Variants in SLCO4C1 observed in about 807,000 individuals in gnomAD.
SLCO4C1 encodes the protein solute carrier organic anion transporter family member 4C1.
SLCO4C1 carries 58 observed loss-of-function variants against 72.1 expected under a neutral mutation model. The observed-to-expected ratio is 0.80, with a 90% CI of 0.65 to 1.00. The LOEUF is 1.00. SLCO4C1 is among the 50% of genes least tolerant of loss of function. The pLI, the probability that SLCO4C1 is intolerant of heterozygous loss-of-function variation, is 0.00. For missense variants in SLCO4C1, 898 were observed against 857.9 expected (o/e 1.05, Z -0.58); for synonymous variants, 297 against 312.5 (o/e 0.95, Z 0.52).
chr5:102,239,438 AT>A, intron 11 of SLCO4C1, 50 bp from the exon 12 acceptor site: 1 of 1,341,866 alleles, frequency 7.5e-7, no homozygotes. Flanking sequence ...ACAGTTTAGA[AT>A]TACAGATCTT....
Position 102,247,399 on chromosome 5 carries a change from G to T in SLCO4C1, c.1664C>A (p.Thr555Lys), listed in dbSNP as rs1748654914. The T allele has an allele frequency of 6.3e-7, 1 of 1,588,480 alleles. No individual in the cohort carries two copies. The highest frequency in any genetic ancestry group is 8.6e-7 in the Non-Finnish European group (1 of 1,161,400). ...CSCIERKTEI[T>K]STAETFGFEA... ...AAAACCAAAAGTTTCTGCAGTGGAT[G>T]TTATTTCTGTTTTCCTTTCAATACA... The change falls in exon 10 of 13, where the codon ACA becomes AAA. Residue 555 changes from threonine to lysine, a missense_variant. Coordinates refer to ENST00000310954, the MANE Select transcript of SLCO4C1 (RefSeq NM_180991.5).
rs945691545 is a variant in SLCO4C1, at chr5:102,276,738, A to T, written c.620-5932T>A. ...ACTCAATTTTCCCTTGGTAACTAGGATCCATTAGCTCTGTCAATTTAGTGA... is the reference window on the plus strand; with the variant it reads ...ACTCAATTTTCCCTTGGTAACTAGGTTCCATTAGCTCTGTCAATTTAGTGA... On this transcript the variant is annotated intron_variant, in intron 2 of 12. Coordinates refer to ENST00000310954, the MANE Select transcript of SLCO4C1 (RefSeq NM_180991.5). Among the ~76,000 whole-genome samples, 3 of 152,170 alleles carry T rather than the reference A, an allele frequency of 2.0e-5. 1 individual carries two copies. Among genetic ancestry groups the T allele is most frequent in the African/African-American group, 7.2e-5 (3 of 41,448 alleles).
At chr5:102,289,813 A>C (rs1406094755) in intron 2 of SLCO4C1, among the ~76,000 whole-genome samples, 1 of 152,174 alleles carries the variant, frequency 6.6e-6, no homozygotes, top group Non-Finnish European at 1.5e-5. Context: ...CATTTTAAAA[A>C]TACTCTCCAT....
At chr5:102,257,445 T>C in intron 7 of SLCO4C1, 135 bp from the exon 8 acceptor site, 2 of 612,952 alleles carry the variant, frequency 3.3e-6, no homozygotes, top group Non-Finnish European at 5.2e-6. Flanking sequence ...GAAATACATG[T>C]ACAAATGACT....
intron 2 of SLCO4C1, among the ~76,000 whole-genome samples, chr5:102,271,921 T>C (rs1379399627): frequency 6.6e-6 from 1 of 152,044 alleles, no homozygotes; most frequent in Non-Finnish European, 1.5e-5. Context: ...AGAAGAAAAG[T>C]AGGTCAGAGG....
At chr5:102,273,519 T>C (rs1749190919) in intron 2 of SLCO4C1, among the ~76,000 whole-genome samples, 1 of 152,132 alleles carries the variant, frequency 6.6e-6, no homozygotes, top group Admixed American at 6.5e-5. Flanking sequence ...TAAAGCAACA[T>C]TAATCCCATA....
intron 2 of SLCO4C1, among the ~76,000 whole-genome samples, chr5:102,290,754 G>A (rs1006351272): frequency 2.6e-5 from 4 of 151,940 alleles, no homozygotes; most frequent in African/African-American, 4.8e-5. Flanking sequence ...TACTATATTT[G>A]TTTTTTTATT....
intron 12 of SLCO4C1, among the ~76,000 whole-genome samples, chr5:102,238,194 GA>G (rs1334853652): frequency 1.3e-5 from 2 of 151,992 alleles, no homozygotes; most frequent in African/African-American, 4.8e-5. Context: ...TTTGTGGGGG[GA>G]TTCCCATTCA....
chr5:102,266,254 C>T (rs1749036595), intron 3 of SLCO4C1, among the ~76,000 whole-genome samples: 1 of 152,010 alleles, frequency 6.6e-6, no homozygotes. Context: ...TGGAGAGAGA[C>T]AATTTGGCTT....
At chr5:102,257,560 C>CAAA (rs1748859677) in intron 7 of SLCO4C1, among the ~76,000 whole-genome samples, 1 of 150,940 alleles carries the variant, frequency 6.6e-6, no homozygotes, top group African/African-American at 2.4e-5. Flanking sequence ...CTAGTTCATA[C>CAAA]AAAAGATTGC....
chr5:102,289,877 T>C (rs1305969415), intron 2 of SLCO4C1, among the ~76,000 whole-genome samples: 1 of 151,120 alleles, frequency 6.6e-6, no homozygotes, highest in Admixed American at 6.6e-5. Flanking sequence ...ACTTACCTAA[T>C]AAGTGCACTT....
At chr5:102,284,111 T>A (rs6892179) in intron 2 of SLCO4C1, among the ~76,000 whole-genome samples, 41,400 of 151,790 alleles carry the variant, frequency 0.27, 5,980 homozygotes, top group Middle Eastern at 0.31. Flanking sequence ...CAGAAAAAAA[T>A]ATGATGAAGA....
At chr5:102,278,951 A>G (rs1311763204) in intron 2 of SLCO4C1, among the ~76,000 whole-genome samples, 2 of 151,680 alleles carry the variant, frequency 1.3e-5, no homozygotes, top group African/African-American at 4.8e-5. Context: ...AAATAATAAT[A>G]GAATAAATTT....
At chr5:102,257,412 CTT>C in intron 7 of SLCO4C1, 102 bp from the exon 8 acceptor site, 1 of 895,052 alleles carries the variant, frequency 1.1e-6, no homozygotes, top group Non-Finnish European at 1.6e-6. Flanking sequence ...ATGGTTTTAA[CTT>C]ATATTTATTC....
rs141231437 is a variant in SLCO4C1, at chr5:102,265,776, T to C, written c.803-1996A>G. Among the ~76,000 whole-genome samples, 678 of 152,194 alleles carry C rather than the reference T, an allele frequency of 4.5e-3. 12 individuals are homozygous for C. The highest frequency in any genetic ancestry group is 0.016 in the African/African-American group (650 of 41,576). On this transcript the variant is annotated intron_variant, in intron 3 of 12. Transcript: ENST00000310954. Reference sequence around the variant, plus strand: ...TCGGTTTTGTTCTTTGTGCTCAGGATTGTTTTGGCTATTTGGCATCTTTTC... The same window carrying C: ...TCGGTTTTGTTCTTTGTGCTCAGGACTGTTTTGGCTATTTGGCATCTTTTC...
chr5:102,286,153 T>C (rs1032838084), intron 2 of SLCO4C1, among the ~76,000 whole-genome samples: 3 of 151,932 alleles, frequency 2.0e-5, no homozygotes, highest in African/African-American at 4.8e-5. Flanking sequence ...AAAAAAAAAT[T>C]AGAAATTTAG....
At chr5:102,265,339 T>C (rs1273731343) in intron 3 of SLCO4C1, among the ~76,000 whole-genome samples, 1 of 152,130 alleles carries the variant, frequency 6.6e-6, no homozygotes, top group Non-Finnish European at 1.5e-5. Context: ...CCCATTTGTC[T>C]AATTTTGTTT....
chr5:102,239,521 C>T, intron 11 of SLCO4C1, 133 bp from the exon 12 acceptor site: 1 of 530,436 alleles, frequency 1.9e-6, no homozygotes. Flanking sequence ...CAAATTAATT[C>T]ATGTACAAGT....
intron 2 of SLCO4C1, among the ~76,000 whole-genome samples, chr5:102,286,801 T>G (rs1749460629): frequency 6.6e-6 from 1 of 152,150 alleles, no homozygotes; most frequent in Non-Finnish European, 1.5e-5. Context: ...TACAACACAA[T>G]AGAAAGTCCA....
Sources: allele counts gnomAD v4.1 joint callset (sites outside exome capture counted in the v4.1 genomes callset), GRCh38; gene constraint gnomAD v4.1.1; transcripts MANE v1.5; gene names NCBI Gene and HGNC (gene_info 2026-07-23, HGNC 2026-07-21).